Variants in XYLT1 observed in about 807,000 individuals in gnomAD.
The protein encoded by XYLT1 is beta-D-xylosyltransferase 1.
A neutral mutation model predicts 91.3 loss-of-function variants in XYLT1; 36 were observed. The ratio of observed to expected loss-of-function variants is 0.39; its 90% confidence interval spans 0.30 to 0.52. The LOEUF is 0.52. Among genes scored for constraint, XYLT1 ranks in the 20% least tolerant of loss-of-function variants. XYLT1 has a pLI of 0.68. For synonymous variants in XYLT1, 588 were observed against 532.0 expected, an observed-to-expected ratio of 1.11 and a Z score of -1.45; for missense variants, 1,242 against 1,284.5, an observed-to-expected ratio of 0.97 and a Z score of 0.51.
At chr16:17,296,814 G>T (rs1380858994) in intron 2 of XYLT1, among the ~76,000 whole-genome samples, 1 of 152,234 alleles carries the variant, frequency 6.6e-6, no homozygotes, top group Non-Finnish European at 1.5e-5. Context: ...CGAGGGCAAA[G>T]GGGATGTTCT....
intron 9 of XYLT1, 65 bp from the exon 10 acceptor site, chr16:17,127,926 C>A (rs1412090823): frequency 3.3e-6 from 5 of 1,495,932 alleles, no homozygotes; most frequent in African/African-American, 1.4e-5. Flanking sequence ...GGCTCCCCAC[C>A]CACCAAGCTA....
rs564099531 is a variant in XYLT1, at chr16:17,411,446, C to T, written c.364-53396G>A. Among the ~76,000 whole-genome samples the T allele has an allele frequency of 3.3e-5, 5 of 152,254 alleles. No individual in the cohort carries two copies. The South Asian group carries it at 1.0e-3, about 32-fold the overall frequency. ...GGAATGCTGCTACTATCACCTTGGG[C>T]TGCTAAAAAAATGCCCAGTCACTAA... is the stretch of plus-strand genomic sequence containing the variant. On this transcript the variant is annotated intron_variant, in intron 1 of 11. Coordinates refer to ENST00000261381, the MANE Select transcript of XYLT1 (RefSeq NM_022166.4).
intron 6 of XYLT1, among the ~76,000 whole-genome samples, chr16:17,153,159 G>A (rs538075363): frequency 7.2e-5 from 11 of 152,178 alleles, no homozygotes; most frequent in South Asian, 2.1e-4. Flanking sequence ...CTTAATAGGC[G>A]CAACTAACTG....
At chr16:17,345,460 C>T (rs544073508) in intron 2 of XYLT1, among the ~76,000 whole-genome samples, 3 of 152,312 alleles carry the variant, frequency 2.0e-5, no homozygotes, top group Admixed American at 6.5e-5. Flanking sequence ...CATGGAGGCA[C>T]GGAGGCTGGA....
intron 3 of XYLT1, among the ~76,000 whole-genome samples, chr16:17,217,806 G>A (rs1205580132): frequency 6.6e-6 from 1 of 152,108 alleles, no homozygotes; most frequent in African/African-American, 2.4e-5. Flanking sequence ...ATGCAAACCA[G>A]GTCTATAGAC....
intron 1 of XYLT1, among the ~76,000 whole-genome samples, chr16:17,383,691 A>G (rs902175179): frequency 1.3e-5 from 2 of 151,760 alleles, no homozygotes; most frequent in Non-Finnish European, 2.9e-5. Flanking sequence ...GAAACAGGCC[A>G]GGGTGTGTTT....
intron 5 of XYLT1, among the ~76,000 whole-genome samples, chr16:17,160,342 T>C (rs530067827): frequency 6.6e-6 from 1 of 152,322 alleles, no homozygotes; most frequent in African/African-American, 2.4e-5. Context: ...CCCAACTCTT[T>C]GGTCTGAGCT....
chr16:17,213,779 C>A (rs1347547766), intron 3 of XYLT1, among the ~76,000 whole-genome samples: 1 of 151,906 alleles, frequency 6.6e-6, no homozygotes, highest in Non-Finnish European at 1.5e-5. Context: ...CCCCCATGCC[C>A]GGCTAATTTT....
chr16:17,353,792 A>G (rs139157375), intron 2 of XYLT1, among the ~76,000 whole-genome samples: 11 of 152,218 alleles, frequency 7.2e-5, no homozygotes, highest in Non-Finnish European at 1.5e-5. Flanking sequence ...ATGTTAGCAA[A>G]TCTTTCTACT....
At chr16:17,198,001 A>G (rs2032463651) in intron 5 of XYLT1, 1 of 611,998 alleles carries the variant, frequency 1.6e-6, no homozygotes, top group African/African-American at 1.9e-5. Context: ...CAGCTAATAG[A>G]GCTGGGAAAA....
intron 3 of XYLT1, among the ~76,000 whole-genome samples, chr16:17,228,621 T>G (rs2033108752): frequency 1.3e-5 from 2 of 152,144 alleles, no homozygotes; most frequent in South Asian, 2.1e-4. Flanking sequence ...AGGAGGCTTC[T>G]GATCGGTGGA....
chr16:17,341,385 C>G (rs4782001), intron 2 of XYLT1, among the ~76,000 whole-genome samples: 98,372 of 152,088 alleles, frequency 0.65, 32,724 homozygotes, highest in African/African-American at 0.77. Flanking sequence ...AAAATAACGA[C>G]GAAGAATGAT....
At chr16:17,197,848 G>A (rs1041107006) in intron 5 of XYLT1, among the ~76,000 whole-genome samples, 4 of 152,076 alleles carry the variant, frequency 2.6e-5, no homozygotes, top group Admixed American at 1.3e-4. Flanking sequence ...GTGAGACCTC[G>A]CCTTGTGATT....
chr16:17,216,515 C>T (rs758502612), intron 3 of XYLT1, among the ~76,000 whole-genome samples: 2 of 152,154 alleles, frequency 1.3e-5, no homozygotes, highest in African/African-American at 4.8e-5. Flanking sequence ...AAAAAAGGGA[C>T]ATTTCTCCAA....
chr16:17,431,642 C>A (rs903225479), intron 1 of XYLT1, among the ~76,000 whole-genome samples: 2 of 152,206 alleles, frequency 1.3e-5, no homozygotes, highest in Admixed American at 6.5e-5. Context: ...AAATGCTACA[C>A]CGTTTTTAAC....
chr16:17,285,872 CTCTG>C (rs1258067691), intron 2 of XYLT1, among the ~76,000 whole-genome samples: 6 of 112,236 alleles, frequency 5.3e-5, no homozygotes, highest in East Asian at 2.5e-4. Flanking sequence ...CCTGGTGTAT[CTCTG>C]TGTGTGTGTG....
chr16:17,470,561 C>T lies in XYLT1; in HGVS notation c.236G>A (p.Gly79Glu), dbSNP rs2036974271. Residue 79 changes from glycine to glutamate, a missense_variant, in exon 1 of 12, where the codon GGA becomes GAA. Physicochemically the swap from Gly to Glu is moderately conservative, Grantham distance 98. Around this residue, in one of 3 missense-constraint regions of XYLT1, gnomAD observed 437 missense variants for 411.5 expected, o/e 1.06. Transcript: ENST00000261381. ...TCCTCCGCCGCCGCCTCCTCCTCCT[C>T]CTCGGGCTGCAGCCGGCTCGGCGGG... ...DLPAEPAAARGGGGGGGGGGG... is the reference protein window; with the variant it reads ...DLPAEPAAAREGGGGGGGGGG... 8.2e-7 allele frequency: 1 copy of T among 1,213,750 alleles called. No homozygotes were observed. The highest frequency in any genetic ancestry group is 1.0e-6 in the Non-Finnish European group (1 of 977,042). The allele number at this position is 1,213,750 out of a possible 1,614,324, so 75.2% of individuals were successfully genotyped here. A position where few individuals can be genotyped will look rare whatever the true frequency, so the allele number is the denominator to read the frequency against.
chr16:17,160,387 C>A (rs965405512), intron 5 of XYLT1, among the ~76,000 whole-genome samples: 1 of 152,184 alleles, frequency 6.6e-6, no homozygotes, highest in Non-Finnish European at 1.5e-5. Flanking sequence ...CATTTCCCTG[C>A]GCCTCTGCAG....
chr16:17,376,655 C>A (rs899793669), intron 1 of XYLT1, among the ~76,000 whole-genome samples: 1 of 151,904 alleles, frequency 6.6e-6, no homozygotes, highest in Non-Finnish European at 1.5e-5. Context: ...GGTGAAACCC[C>A]GTCTCCACTA....
Sources: gnomAD v4.1 joint callset for allele counts (sites outside exome capture counted in the v4.1 genomes callset) on GRCh38, gnomAD v4.1.1 for gene constraint, gnomAD v4.1.1 regional missense constraint, MANE v1.5 for transcripts, NCBI Gene and HGNC (gene_info 2026-07-23, HGNC 2026-07-21) for gene names.